EZH2: variants seen among roughly 807,000 people sequenced by gnomAD.
EZH2 encodes enhancer of zeste 2 polycomb repressive complex 2 subunit, also known as histone-lysine N-methyltransferase EZH2.
Under a neutral mutation model 98.4 loss-of-function variants are expected in EZH2, and 18 were observed. The ratio of observed to expected loss-of-function variants is 0.18; its 90% CI spans 0.13 to 0.27. The LOEUF is 0.27. Ranked by LOEUF, EZH2 falls within the 10% of genes least tolerant of loss-of-function variation. The pLI, the probability that EZH2 is intolerant of heterozygous loss-of-function variation, is 1.00. For synonymous variants in EZH2, 338 were observed against 312.3 expected (o/e 1.08, Z -0.87); for missense variants, 470 against 935.1 (o/e 0.50, Z 6.49).
intron 8 of EZH2, 139 bp downstream of exon 8, chr7:148,826,315 A>C (rs1807693547): frequency 3.1e-6 from 2 of 648,972 alleles, no homozygotes; most frequent in Non-Finnish European, 4.4e-6. Flanking sequence ...CAAAGTAAAA[A>C]TAATAATACT....
intron 6 of EZH2, 44 bp downstream of exon 6, chr7:148,828,692 TGAAA>T (rs775220216): frequency 6.3e-7 from 1 of 1,577,144 alleles, no homozygotes; most frequent in South Asian, 1.2e-5. Flanking sequence ...CTACTGTTTT[TGAAA>T]GAAAGCTGTA....
chr7:148,832,217 T>C (rs1809577542), intron 4 of EZH2, among the ~76,000 whole-genome samples: 1 of 152,180 alleles, frequency 6.6e-6, no homozygotes, highest in Non-Finnish European at 1.5e-5. Context: ...CCTGAGTAGC[T>C]TGGGACTACA....
At position 148,829,840 on chromosome 7, in the gene EZH2, AT is replaced by A; in HGVS notation, c.371del (p.Asp124ValfsTer16). ...AAGGAATGTTATGTAAAACAGTTTC[AT>A]CTTCCACCTAAAAGAAAAAAATATA... Reference protein sequence around the residue: ...SPLQQNFMVEDETVLHNIPYM... With the variant: ...SPLQQNFMVEXETVLHNIPYM... On this transcript the variant is annotated frameshift_variant, in exon 5 of 20. Transcript: ENST00000320356. LOFTEE classifies it high-confidence loss of function. 6.4e-7 allele frequency: 1 copy of A among 1,570,168 alleles called. No individual in the cohort carries two copies. The highest frequency in any genetic ancestry group is 8.7e-7 in the Non-Finnish European group (1 of 1,155,590).
At chr7:148,830,623 T>G (rs1809108019) in intron 4 of EZH2, among the ~76,000 whole-genome samples, 1 of 152,200 alleles carries the variant, frequency 6.6e-6, no homozygotes, top group African/African-American at 2.4e-5. Flanking sequence ...TACAAAAACA[T>G]AAAATATTTC....
At chr7:148,851,039 G>GTGGGGCGGCTATAGACTTAAAAAC (rs1435426764) in intron 1 of EZH2, among the ~76,000 whole-genome samples, 1 of 152,100 alleles carries the variant, frequency 6.6e-6, no homozygotes. Flanking sequence ...TAGATTGGGG[G>GTGGGGCGGCTATAGACTTAAAAAC]TGGGGCGGCT....
intron 1 of EZH2, among the ~76,000 whole-genome samples, chr7:148,878,063 A>G (rs1420338254): frequency 2.0e-5 from 3 of 152,196 alleles, no homozygotes; most frequent in African/African-American, 4.8e-5. Flanking sequence ...TAAATTTTGT[A>G]TTCTGGTAAG....
At chr7:148,866,631 T>TATATAC (rs202076229) in intron 1 of EZH2, among the ~76,000 whole-genome samples, 1,517 of 146,880 alleles carry the variant, frequency 0.01, 27 homozygotes, top group African/African-American at 0.033. Flanking sequence ...CATATATGTA[T>TATATAC]ATATACATAT....
rs144048372 is a variant in EZH2 at position 148,807,572 on chromosome 7, A to C, written c.*74T>G. 36 of 1,192,214 alleles carry C rather than the reference A, an allele frequency of 3.0e-5. No homozygotes were observed. In the African/African-American group the frequency reaches 5.1e-4, roughly 17 times the overall value. The allele number at this position is 1,192,214 out of a possible 1,614,324, so 73.9% of individuals were successfully genotyped here. ...ATTTCAAACTGCATGTTCTTTTTCT[A>C]AATTGCCCACAGTACTCGAGGTTCC... On this transcript the variant is annotated 3_prime_UTR_variant, in exon 20 of 20. Coordinates refer to ENST00000320356, the MANE Select transcript of EZH2 (RefSeq NM_004456.5).
intron 1 of EZH2, among the ~76,000 whole-genome samples, chr7:148,848,870 C>T (rs1025157341): frequency 6.6e-6 from 1 of 151,946 alleles, no homozygotes; most frequent in African/African-American, 2.4e-5. Flanking sequence ...CTCAAAAGTC[C>T]GTGATATAAA....
In EZH2 at chr7:148,814,046, G is replaced by A. The variant is rs750595231; in HGVS notation, c.1764C>T (p.Asp588=). The change falls in exon 15 of 20, where the codon GAC becomes GAT. Residue 588 remains aspartate (D), a synonymous_variant. Coordinates refer to ENST00000320356, the MANE Select transcript of EZH2 (RefSeq NM_004456.5). Reference sequence around the variant, plus strand: ...CAGCGGCTCCACAAGTAAGACAGAGGTCAGGGTCACACTCTCGGACAGCCA... The same window carrying A: ...CAGCGGCTCCACAAGTAAGACAGAGATCAGGGTCACACTCTCGGACAGCCA... The part of the protein sequence containing the change: ...CYLAVRECDP[D]LCLTCGAADH... The A allele has an allele frequency of 1.9e-6, 3 of 1,614,142 alleles. No homozygotes were observed. In the South Asian group the frequency reaches 3.3e-5, roughly 18 times the overall value.
chr7:148,846,287 T>A (rs1437340739), intron 3 of EZH2, among the ~76,000 whole-genome samples, 183 bp downstream of exon 3: 1 of 152,206 alleles, frequency 6.6e-6, no homozygotes, highest in African/African-American at 2.4e-5. Context: ...CTTAGAACTC[T>A]GTTATAGGAA....
intron 3 of EZH2, among the ~76,000 whole-genome samples, chr7:148,839,169 G>C (rs552005681): frequency 1.3e-5 from 2 of 152,120 alleles, no homozygotes; most frequent in Non-Finnish European, 1.5e-5. Flanking sequence ...GGTCTTGCTC[G>C]AGTGGTAGAA....
chr7:148,819,205 T>C, intron 9 of EZH2: 1 of 394,092 alleles, frequency 2.5e-6, no homozygotes, highest in South Asian at 2.0e-5. Context: ...GAAATGACAG[T>C]GCATCTAAAA....
intron 1 of EZH2, among the ~76,000 whole-genome samples, chr7:148,868,969 C>G (rs1376927309): frequency 6.6e-6 from 1 of 152,010 alleles, no homozygotes; most frequent in Non-Finnish European, 1.5e-5. Flanking sequence ...AAGGTAAATT[C>G]TATAAGAAAA....
chr7:148,817,998 G>A lies in EZH2; in HGVS notation c.1119C>T (p.Pro373=). 1 of 1,614,072 alleles carries A rather than the reference G, an allele frequency of 6.2e-7. No individual in the cohort carries two copies. Residue 373 remains proline, a synonymous_variant, in exon 10 of 20, where the codon CCC becomes CCT. Coordinates refer to ENST00000320356, the MANE Select transcript of EZH2 (RefSeq NM_004456.5). The part of the protein sequence containing the change: ...LPNNSSRPST[P]TINVLESKDT... Reference sequence around the variant, plus strand: ...CCTTTGATTCCAGCACATTAATGGTGGGGGTGCTGGGCCTGCTACTGTTAT... The same window carrying A: ...CCTTTGATTCCAGCACATTAATGGTAGGGGTGCTGGGCCTGCTACTGTTAT...
intron 1 of EZH2, among the ~76,000 whole-genome samples, chr7:148,849,744 A>G (rs1815182121): frequency 6.6e-6 from 1 of 152,220 alleles, no homozygotes. Context: ...TTTCATGACA[A>G]TAGTTTTCTT....
intron 11 of EZH2, 71 bp from the exon 12 acceptor site, chr7:148,816,849 T>G: frequency 3.7e-6 from 4 of 1,095,170 alleles, no homozygotes; most frequent in Non-Finnish European, 5.6e-6. Context: ...TACTCATGCA[T>G]ACCAGAAAAA....
chr7:148,834,306 A>G (rs546465706), intron 3 of EZH2, among the ~76,000 whole-genome samples: 20 of 151,948 alleles, frequency 1.3e-4, no homozygotes, highest in Non-Finnish European at 2.2e-4. Context: ...AGAGCAAAAA[A>G]GAAGTGTAGT....
chr7:148,872,951 C>T (rs1819629310), intron 1 of EZH2, among the ~76,000 whole-genome samples: 1 of 151,898 alleles, frequency 6.6e-6, no homozygotes, highest in South Asian at 2.1e-4. Flanking sequence ...GCCTATAATC[C>T]CAGCTTTGGG....
Sources: gnomAD v4.1 joint callset for allele counts (sites outside exome capture counted in the v4.1 genomes callset) on GRCh38, gnomAD v4.1.1 for gene constraint, MANE v1.5 for transcripts, NCBI Gene and HGNC (gene_info 2026-07-23, HGNC 2026-07-21) for gene names.